MROH2B: variants seen among roughly 807,000 people sequenced by gnomAD.
MROH2B encodes the protein maestro heat like repeat family member 2B, also known as maestro heat-like repeat-containing protein family member 2B.
MROH2B carries 177 observed loss-of-function variants against 208.6 expected under a neutral mutation model. That is an observed-to-expected ratio of 0.85 (90% CI 0.75 to 0.96). The LOEUF is 0.96. Ranked by LOEUF, MROH2B falls within the 40% of genes least tolerant of loss-of-function variation. The probability of loss-of-function intolerance (pLI) is 0.00; values close to 1 mark genes in which losing one functional copy is unlikely to be tolerated. For synonymous variants in MROH2B, 728 were observed against 659.0 expected (o/e 1.10, Z -1.60); for missense variants, 2,002 against 1,878.7 (o/e 1.07, Z -1.21).
Position 41,061,689 on chromosome 5 carries a change from C to T in MROH2B, c.496G>A (p.Val166Ile), listed in dbSNP as rs1310419445. 3 of 1,613,772 alleles carry T rather than the reference C, an allele frequency of 1.9e-6. No individual in the cohort carries two copies. Among genetic ancestry groups the T allele is most frequent in the South Asian group, 2.2e-5 (2 of 91,050 alleles). ...TAGGGAAAATCTCTCCAGTGGTTGA[C>T]ATATTTGTAAATGGCTTTGCTGAAT... is the stretch of plus-strand genomic sequence containing the variant. ...EKFSKAIYKY[V>I]NHWRDFPYPR... The change falls in exon 6 of 42, where the codon GTC becomes ATC. Residue 166 changes from valine (V) to isoleucine (I), a missense_variant. By Grantham distance (29) the Val-to-Ile change is conservative (BLOSUM62 3). Transcript: ENST00000399564.
chr5:41,057,497 T>G, intron 7 of MROH2B, 137 bp from the exon 8 acceptor site: 1 of 637,002 alleles, frequency 1.6e-6, no homozygotes, highest in Non-Finnish European at 2.7e-6. Flanking sequence ...CTTGAATGAT[T>G]CTGGCCCCTT....
chr5:41,017,890 C>T lies in MROH2B; in HGVS notation c.2844G>A (p.Gln948=), dbSNP rs543431748. ...HSCDTLPTIR[Q]AAASSTIGLF... ...GACCAATAGTTGAGCTAGCAGCCGCCTGACGGATGGTGGGCAGGGTATCAC... is the reference window on the plus strand; with the variant it reads ...GACCAATAGTTGAGCTAGCAGCCGCTTGACGGATGGTGGGCAGGGTATCAC... The change falls in exon 28 of 42, where the codon CAG becomes CAA. Residue 948 remains glutamine, a synonymous_variant. Transcript: ENST00000399564. 3.0e-5 allele frequency: 48 copies of T among 1,592,894 alleles called. No homozygotes were observed. The highest frequency in any genetic ancestry group is 1.8e-4 in the Middle Eastern group (1 of 5,516).
rs1473627860 is a variant in MROH2B at position 41,049,433 on chromosome 5, G to T, written c.1348C>A (p.Leu450Ile). Residue 450 changes from leucine to isoleucine, a missense_variant, in exon 14 of 42, where the codon CTA (leucine) becomes ATA (isoleucine). Transcript: ENST00000399564. ...ACAAAAGTCAGGATCCTTGGCCATA[G>T]CACCTGTGGAAAACAGGGCATGATG... is the stretch of plus-strand genomic sequence containing the variant. ...DPLVIGMPQVLWPRILTFVVP... is the reference protein window; with the variant it reads ...DPLVIGMPQVIWPRILTFVVP... 2 of 1,610,436 alleles carry T rather than the reference G, an allele frequency of 1.2e-6. No individual in the cohort carries two copies. The highest frequency in any genetic ancestry group is 1.3e-5 in the African/African-American group (1 of 74,670).
intron 24 of MROH2B, among the ~76,000 whole-genome samples, chr5:41,029,164 C>A (rs1173572754): frequency 6.6e-6 from 1 of 151,928 alleles, no homozygotes; most frequent in Non-Finnish European, 1.5e-5. Flanking sequence ...TAACAGCTAT[C>A]TTAACAGGTA....
intron 3 of MROH2B, 140 bp from the exon 4 acceptor site, chr5:41,065,630 T>C: frequency 3.0e-6 from 2 of 656,678 alleles, no homozygotes; most frequent in South Asian, 5.0e-5. Flanking sequence ...ATGTGCAGGT[T>C]GGTCACATGG....
chr5:41,021,041 G>A (rs1347604843), intron 24 of MROH2B, among the ~76,000 whole-genome samples: 2 of 152,170 alleles, frequency 1.3e-5, no homozygotes, highest in East Asian at 3.8e-4. Flanking sequence ...ATATGTAGGA[G>A]CTCTAATGAC....
chr5:41,008,689 G>A lies in MROH2B; in HGVS notation c.3525C>T (p.Gly1175=), dbSNP rs2111825657. The change falls in exon 33 of 42, where the codon GGC becomes GGT. Residue 1175 remains glycine (G), a synonymous_variant. Transcript: ENST00000399564. ...TCCAGGGACAAGTGAGCATCTTCTG[G>A]CCCAGTGTGCAGCTAACCAGCTTCA... ...LLLKLVSCTL[G]QKMLTCPWSH... is the part of the protein sequence containing the mutation. The A allele has an allele frequency of 6.2e-7, 1 of 1,613,886 alleles. No homozygotes were observed. Among genetic ancestry groups the A allele is most frequent in the Non-Finnish European group, 8.5e-7 (1 of 1,179,848 alleles).
intron 24 of MROH2B, among the ~76,000 whole-genome samples, chr5:41,023,037 G>A (rs140417489): frequency 0.076 from 11,604 of 152,168 alleles, 479 homozygotes; most frequent in African/African-American, 0.11. Context: ...CCAAAACCCC[G>A]TCTGTACATC....
At position 41,048,320 on chromosome 5, in the gene MROH2B, G is replaced by T. The variant is rs1346321025; in HGVS notation, c.1684+4C>A. On this transcript the variant is annotated splice_donor_region_variant and intron_variant, in intron 16 of 41. Transcript: ENST00000399564. ...GGTAAAGACCTGGCCCCAATCCCTT[G>T]TACCTTCCAGAGGCTGCAGAAGCTC... 1 of 1,611,258 alleles carries T rather than the reference G, an allele frequency of 6.2e-7. No individual in the cohort carries two copies. The highest frequency in any genetic ancestry group is 1.1e-5 in the South Asian group (1 of 90,650).
intron 40 of MROH2B, 111 bp downstream of exon 40, chr5:40,999,566 A>G: frequency 2.6e-6 from 2 of 758,742 alleles, no homozygotes; most frequent in Non-Finnish European, 4.1e-6. Flanking sequence ...GGGCTTTAAT[A>G]AAAAAGTTAT....
rs1243251029 is a variant in MROH2B at position 41,016,717 on chromosome 5, G to A, written c.2884+1133C>T. Among the ~76,000 whole-genome samples, 7 of 152,036 alleles carry A rather than the reference G, an allele frequency of 4.6e-5. No individual in the cohort carries two copies. In the South Asian group the frequency reaches 1.0e-3, roughly 23 times the overall value. On this transcript the variant is annotated intron_variant, in intron 28 of 41. Transcript: ENST00000399564. ...GCTGGTCTTGAACTCCTGACCTCAA[G>A]TGACCCATATGCTTCGGGCTCCCAA... is the stretch of plus-strand genomic sequence containing the variant.
intron 2 of MROH2B, 80 bp from the exon 3 acceptor site, chr5:41,067,298 A>G (rs548121089): frequency 2.7e-6 from 2 of 731,784 alleles, no homozygotes; most frequent in East Asian, 2.7e-5. Context: ...GAATAACACC[A>G]TTAAAGTAAG....
In MROH2B at chr5:41,065,311, G is replaced by A; in HGVS notation, c.361+20C>T. 6.3e-7 allele frequency: 1 copy of A among 1,592,484 alleles called. No individual in the cohort carries two copies. Among genetic ancestry groups the A allele is most frequent in the Non-Finnish European group, 8.5e-7 (1 of 1,170,176 alleles). ...AAGTTGTCATTTCCCAGGGAAAATT[G>A]GAGAATATTCCCGCTATACCATAGC... On this transcript the variant is annotated intron_variant, in intron 4 of 41. Transcript: ENST00000399564.
chr5:41,014,728 T>A (rs1326518096), intron 29 of MROH2B, among the ~76,000 whole-genome samples: 1 of 152,198 alleles, frequency 6.6e-6, no homozygotes, highest in African/African-American at 2.4e-5. Context: ...TCCCTCTGCC[T>A]GGAATTCTTT....
intron 38 of MROH2B, 60 bp from the exon 39 acceptor site, chr5:41,000,411 A>G (rs1325287899): frequency 1.3e-6 from 2 of 1,589,206 alleles, no homozygotes; most frequent in Non-Finnish European, 1.7e-6. Flanking sequence ...TCCAGAAGGG[A>G]AAAAATGCTG....
chr5:41,048,531 C>CT (rs576277379), intron 15 of MROH2B, 66 bp from the exon 16 acceptor site: 1 of 1,485,240 alleles, frequency 6.7e-7, no homozygotes, highest in Non-Finnish European at 9.0e-7. Flanking sequence ...TTATTTTTCC[C>CT]TTTTTACCAT....
At chr5:41,031,843 C>T (rs964503984) in intron 24 of MROH2B, among the ~76,000 whole-genome samples, 5 of 152,024 alleles carry the variant, frequency 3.3e-5, no homozygotes, top group Non-Finnish European at 7.4e-5. Flanking sequence ...TTTGGTTTTC[C>T]TGCATTAATC....
intron 17 of MROH2B, among the ~76,000 whole-genome samples, chr5:41,046,420 T>C (rs1438023434): frequency 1.3e-5 from 2 of 151,730 alleles, no homozygotes; most frequent in Non-Finnish European, 2.9e-5. Flanking sequence ...TCCTTCTTCT[T>C]TGAACAATAC....
At position 41,019,034 on chromosome 5, in the gene MROH2B, G is replaced by A. The variant is rs1221106201; in HGVS notation, c.2442-16C>T. On this transcript the variant is annotated splice_polypyrimidine_tract_variant and intron_variant, in intron 24 of 41. Coordinates refer to ENST00000399564, the MANE Select transcript of MROH2B (RefSeq NM_173489.5). ...TTTCAGTTTACTGAAATGAGAACCA[G>A]GTGGAGGAATGGATATTACAGTGAC... is the stretch of plus-strand genomic sequence containing the variant. 1.2e-6 allele frequency: 2 copies of A among 1,613,608 alleles called. No individual in the cohort carries two copies. Among genetic ancestry groups the A allele is most frequent in the African/African-American group, 1.3e-5 (1 of 74,908 alleles).
Sources: allele counts gnomAD v4.1 joint callset (sites outside exome capture counted in the v4.1 genomes callset), GRCh38; gene constraint gnomAD v4.1.1; transcripts MANE v1.5; gene names NCBI Gene and HGNC (gene_info 2026-07-23, HGNC 2026-07-21).